Variants in PEX13 observed in about 807,000 individuals in gnomAD.
PEX13 encodes peroxisomal biogenesis factor 13.
PEX13 carries 28 observed loss-of-function variants against 34.5 expected under a neutral mutation model. The observed-to-expected ratio is 0.81, with a 90% CI of 0.60 to 1.11. The LOEUF is 1.11. PEX13 is among the 50% of genes most tolerant of loss of function. PEX13 has a pLI of 0.00. For missense variants in PEX13, 550 were observed against 491.0 expected, an observed-to-expected ratio of 1.12 and a Z score of -1.13; for synonymous variants, 177 against 175.1, an observed-to-expected ratio of 1.01 and a Z score of -0.09.
At chr2:61,047,381 C>T (rs556849678) in intron 3 of PEX13, among the ~76,000 whole-genome samples, 14 of 152,274 alleles carry the variant, frequency 9.2e-5, no homozygotes, top group African/African-American at 3.4e-4. Flanking sequence ...GTCTCGAACT[C>T]CTGACCTTGT....
intron 1 of PEX13, among the ~76,000 whole-genome samples, chr2:61,019,811 T>A (rs1487866282): frequency 6.6e-6 from 1 of 152,224 alleles, no homozygotes; most frequent in South Asian, 2.1e-4. Context: ...ATTGCTGTTC[T>A]TTGTAATTGC....
At chr2:61,043,626 T>C (rs1300926501) in intron 2 of PEX13, among the ~76,000 whole-genome samples, 1 of 152,258 alleles carries the variant, frequency 6.6e-6, no homozygotes, top group Non-Finnish European at 1.5e-5. Context: ...TTGTTTATGG[T>C]TATTCATTGT....
Position 61,032,107 on chromosome 2 carries a change from G to C in PEX13, c.781G>C (p.Val261Leu). Residue 261 changes from valine (V) to leucine (L), a missense_variant, in exon 2 of 4, where the codon GTA becomes CTA. Coordinates refer to ENST00000295030, the MANE Select transcript of PEX13 (RefSeq NM_002618.4). Reference protein sequence around the residue: ...WKLLSTHSDEVTDSINWASGE... With the variant: ...WKLLSTHSDELTDSINWASGE... ...ACTATTGTCTACTCACAGTGATGAA[G>C]TAACAGGTAAGAGAACTGTAAGGGA... The C allele has an allele frequency of 6.2e-7, 1 of 1,606,452 alleles. No individual in the cohort carries two copies. Among genetic ancestry groups the C allele is most frequent in the South Asian group, 1.1e-5 (1 of 90,904 alleles).
chr2:61,018,048 C>A, intron 1 of PEX13, 197 bp downstream of exon 1: 1 of 1,459,106 alleles, frequency 6.9e-7, no homozygotes. Flanking sequence ...TCTGACCCGG[C>A]AGCTCTAATC....
Position 61,048,956 on chromosome 2 carries a change from A to G in PEX13, c.*186A>G, listed in dbSNP as rs1573562293. 8 of 601,326 alleles carry G rather than the reference A, an allele frequency of 1.3e-5. No homozygotes were observed. The highest frequency in any genetic ancestry group is 2.0e-5 in the South Asian group (1 of 49,940). 37.2% of individuals were successfully genotyped at this position (601,326 alleles called of 1,614,324 possible). A position where few individuals can be genotyped will look rare whatever the true frequency, so the allele number is the denominator to read the frequency against. On this transcript the variant is annotated 3_prime_UTR_variant, in exon 4 of 4. Coordinates refer to ENST00000295030, the MANE Select transcript of PEX13 (RefSeq NM_002618.4). ...TCTGGTGACCTGGTTACATTTTATT[A>G]TACACATTATTGGACCATAAGGACA...
intron 2 of PEX13, among the ~76,000 whole-genome samples, chr2:61,035,969 G>A (rs1446263129): frequency 6.2e-5 from 9 of 145,634 alleles, no homozygotes; most frequent in Admixed American, 4.8e-4. Context: ...GGCAACAAGA[G>A]CGAAACTCCA....
At chr2:61,027,800 G>A (rs1304916307) in intron 1 of PEX13, among the ~76,000 whole-genome samples, 1 of 152,042 alleles carries the variant, frequency 6.6e-6, no homozygotes, top group Non-Finnish European at 1.5e-5. Flanking sequence ...GCTTATACTT[G>A]GGAGCAGAAC....
chr2:61,028,010 A>G, intron 1 of PEX13, among the ~76,000 whole-genome samples: 2 of 152,228 alleles, frequency 1.3e-5, no homozygotes, highest in East Asian at 1.9e-4. Flanking sequence ...TCCACATCTA[A>G]TATTTGTTTC....
intron 2 of PEX13, among the ~76,000 whole-genome samples, chr2:61,039,035 A>G (rs964226376): frequency 6.6e-6 from 1 of 152,198 alleles, no homozygotes; most frequent in Non-Finnish European, 1.5e-5. Flanking sequence ...TCCAACTTAC[A>G]AGGGATGTGA....
At position 61,049,904 on chromosome 2, in the gene PEX13, A is replaced by C. The variant is rs1180555128; in HGVS notation, c.*1134A>C. The C allele has an allele frequency of 6.6e-6, 1 of 152,236 alleles. No homozygotes were observed. Among genetic ancestry groups the C allele is most frequent in the Admixed American group, 6.5e-5 (1 of 15,274 alleles). 9.4% of individuals were successfully genotyped at this position (152,236 alleles called of 1,614,324 possible). A position where few individuals can be genotyped will look rare whatever the true frequency, so the allele number is the denominator to read the frequency against. The stretch of plus-strand genomic sequence containing the variant: ...AGTTCTTTTGAGTTTGCACTTAATG[A>C]TATAATCAGTTATAATAGTAATTTT... On this transcript the variant is annotated 3_prime_UTR_variant, in exon 4 of 4. Transcript: ENST00000295030.
chr2:61,025,340 C>CATT (rs528675719), intron 1 of PEX13, among the ~76,000 whole-genome samples: 41 of 146,534 alleles, frequency 2.8e-4, no homozygotes, highest in Admixed American at 1.4e-3. Flanking sequence ...TAAGCCCTAT[C>CATT]ATTATTATTA....
intron 1 of PEX13, among the ~76,000 whole-genome samples, chr2:61,028,077 A>G (rs574250378): frequency 6.6e-6 from 1 of 152,332 alleles, no homozygotes; most frequent in African/African-American, 2.4e-5. Context: ...TGAGGAATAG[A>G]ATATTTGTGG....
At chr2:61,032,168 A>C in intron 2 of PEX13, 55 bp downstream of exon 2, 2 of 1,220,242 alleles carry the variant, frequency 1.6e-6, no homozygotes, top group Non-Finnish European at 1.2e-6. Flanking sequence ...CTCAAATTTC[A>C]AGAATAGATT....
In PEX13 at chr2:61,048,519, C is replaced by G. The variant is rs765658938; in HGVS notation, c.961C>G (p.Gln321Glu). The change falls in exon 4 of 4, where the codon CAA becomes GAA. Residue 321 changes from glutamine (Q) to glutamate (E), a missense_variant. Coordinates refer to ENST00000295030, the MANE Select transcript of PEX13 (RefSeq NM_002618.4). The stretch of plus-strand genomic sequence containing the variant: ...TTGGCTTCTGGCTAGCCTTGATGGC[C>G]AAACAACAGGACTTATACCTGCGAA... ...RGWLLASLDG[Q>E]TTGLIPANYV... The G allele has an allele frequency of 1.2e-6, 2 of 1,613,888 alleles. No individual in the cohort carries two copies. Among genetic ancestry groups the G allele is most frequent in the African/African-American group, 2.7e-5 (2 of 74,894 alleles).
intron 1 of PEX13, among the ~76,000 whole-genome samples, chr2:61,020,332 TTC>T (rs1344190602): frequency 6.6e-6 from 1 of 152,256 alleles, no homozygotes; most frequent in East Asian, 1.9e-4. Flanking sequence ...CAAATGGGCT[TTC>T]TTTTTTCCTT....
rs138190654 is a variant in PEX13, at chr2:61,044,250, C to T, written c.788-1476C>T. On this transcript the variant is annotated intron_variant, in intron 2 of 3. Coordinates refer to ENST00000295030, the MANE Select transcript of PEX13 (RefSeq NM_002618.4). ...ACAGGCATGAACCACCATGTCCAGC[C>T]CAGACTTAGTTATATTCTTTGTTGT... 1.3e-3 allele frequency among the ~76,000 whole-genome samples: 195 copies of T among 151,864 alleles called. 4 individuals carry two copies. The East Asian group carries it at 0.034, about 27-fold the overall frequency.
chr2:61,017,844 A>T lies in PEX13; in HGVS notation c.85A>T (p.Thr29Ser). 6.4e-7 allele frequency: 1 copy of T among 1,550,394 alleles called. No individual in the cohort carries two copies. Among genetic ancestry groups the T allele is most frequent in the Non-Finnish European group, 8.7e-7 (1 of 1,146,740 alleles). The change falls in exon 1 of 4, where the codon ACT becomes TCT. Residue 29 changes from threonine (T) to serine (S), a missense_variant. Transcript: ENST00000295030. ...GAGPGPGPGP[T>S]FQSADLGPTL... ...CGGACCGGGACCAGGACCGGGCCCC[A>T]CTTTCCAGTGAGTGTGGGATTCTTC...
intron 2 of PEX13, among the ~76,000 whole-genome samples, chr2:61,034,393 G>A (rs144181229): frequency 2.5e-3 from 381 of 152,342 alleles, no homozygotes; most frequent in African/African-American, 8.8e-3. Flanking sequence ...CAAGATCGAC[G>A]CAGAAGGCGG....
intron 1 of PEX13, among the ~76,000 whole-genome samples, chr2:61,022,386 C>T (rs1167544774): frequency 6.6e-6 from 1 of 152,190 alleles, no homozygotes; most frequent in Non-Finnish European, 1.5e-5. Flanking sequence ...GATGCACGCA[C>T]AAGCTTCAAT....
Sources: allele counts gnomAD v4.1 joint callset (sites outside exome capture counted in the v4.1 genomes callset), GRCh38; gene constraint gnomAD v4.1.1; transcripts MANE v1.5; gene names NCBI Gene and HGNC (gene_info 2026-07-23, HGNC 2026-07-21).